Variants in TAFA1 observed in about 807,000 individuals in gnomAD.
TAFA1 encodes the protein TAFA chemokine like family member 1, also known as chemokine-like protein TAFA-1.
TAFA1 carries 4 observed loss-of-function variants against 18.5 expected under a neutral mutation model. The observed-to-expected ratio is 0.22, with a 90% CI of 0.11 to 0.49. The LOEUF is 0.49. Ranked by LOEUF, TAFA1 falls within the 20% of genes least tolerant of loss-of-function variation. TAFA1 has a pLI of 0.98. For synonymous variants in TAFA1, 56 were observed against 55.2 expected (o/e 1.01, Z -0.06); for missense variants, 147 against 169.0 (o/e 0.87, Z 0.72).
chr3:68,473,947 T>TTC (rs1188279284), intron 3 of TAFA1, among the ~76,000 whole-genome samples: 9 of 152,046 alleles, frequency 5.9e-5, no homozygotes, highest in Admixed American at 3.3e-4. Context: ...TAGATAAACA[T>TTC]TTGTTGAATG....
chr3:68,437,258 A>G (rs201991984), intron 3 of TAFA1, among the ~76,000 whole-genome samples: 2 of 134,136 alleles, frequency 1.5e-5, no homozygotes, highest in Admixed American at 6.9e-5. Flanking sequence ...GTTGCTTAAT[A>G]GCACAATAAC....
At chr3:68,417,638 T>C (rs1575848959) in intron 3 of TAFA1, 4 of 541,592 alleles carry the variant, frequency 7.4e-6, no homozygotes, top group Non-Finnish European at 1.3e-5. Context: ...TGAAATTTGC[T>C]TGCCATTGCA....
intron 2 of TAFA1, among the ~76,000 whole-genome samples, chr3:68,373,572 T>C (rs2069753838): frequency 6.6e-6 from 1 of 152,224 alleles, no homozygotes; most frequent in Non-Finnish European, 1.5e-5. Context: ...CCATGCCCTC[T>C]TTCTGCTTTG....
chr3:68,168,100 A>G (rs2066006929), intron 2 of TAFA1, among the ~76,000 whole-genome samples: 1 of 135,744 alleles, frequency 7.4e-6, no homozygotes, highest in Non-Finnish European at 1.5e-5. Flanking sequence ...GAGTTTTGAA[A>G]CTTTTGGTCT....
chr3:67,993,954 T>G, the TAFA1 span, among the ~76,000 whole-genome samples: 1 of 152,186 alleles, frequency 6.6e-6, no homozygotes, highest in Non-Finnish European at 1.5e-5. Flanking sequence ...TTTTATATAT[T>G]CAGCAACATC....
chr3:68,002,404 T>C (rs1704293218), upstream of TAFA1, among the ~76,000 whole-genome samples: 1 of 152,218 alleles, frequency 6.6e-6, no homozygotes. Flanking sequence ...AGTAACTATC[T>C]TGACCCTTAT....
At chr3:68,387,933 T>C (rs920567091) in intron 2 of TAFA1, among the ~76,000 whole-genome samples, 2 of 152,208 alleles carry the variant, frequency 1.3e-5, no homozygotes, top group East Asian at 3.8e-4. Context: ...CATTTCTGAC[T>C]ATATCATTAA....
chr3:68,064,623 A>G (rs1429927613), intron 2 of TAFA1, among the ~76,000 whole-genome samples: 5 of 152,172 alleles, frequency 3.3e-5, no homozygotes, highest in African/African-American at 4.8e-5. Context: ...TCTGCTAATT[A>G]ACACATGACA....
chr3:68,323,399 G>A (rs1388506), intron 2 of TAFA1, among the ~76,000 whole-genome samples: 84,182 of 152,026 alleles, frequency 0.55, 23,826 homozygotes, highest in Non-Finnish European at 0.61. Flanking sequence ...AAATGTAAAG[G>A]AAAGCTGAAG....
chr3:68,328,721 TA>T (rs2068814038), intron 2 of TAFA1, among the ~76,000 whole-genome samples: 1 of 152,206 alleles, frequency 6.6e-6, no homozygotes, highest in African/African-American at 2.4e-5. Context: ...GTATACTCTT[TA>T]TTTTTTTATT....
intron 2 of TAFA1, among the ~76,000 whole-genome samples, chr3:68,391,382 G>C (rs2070242360): frequency 1.3e-5 from 2 of 152,158 alleles, no homozygotes; most frequent in South Asian, 4.1e-4. Context: ...CCAGACCTAT[G>C]TTTGGTGTAC....
At chr3:68,302,198 T>G (rs1023393744) in intron 2 of TAFA1, among the ~76,000 whole-genome samples, 2 of 152,238 alleles carry the variant, frequency 1.3e-5, no homozygotes, top group Non-Finnish European at 2.9e-5. Context: ...CTTAATTCAT[T>G]AAATAAAACT....
chr3:68,383,811 G>A (rs1018080571), intron 2 of TAFA1, among the ~76,000 whole-genome samples: 1 of 151,772 alleles, frequency 6.6e-6, no homozygotes, highest in Non-Finnish European at 1.5e-5. Flanking sequence ...CTGGTCCTGG[G>A]CTGTTTTTGG....
intron 3 of TAFA1, among the ~76,000 whole-genome samples, chr3:68,444,349 C>A (rs2071437156): frequency 6.6e-6 from 1 of 152,136 alleles, no homozygotes. Flanking sequence ...CAATGTAATT[C>A]CCTAGAGTCC....
chr3:68,270,714 G>T (rs868364361), intron 2 of TAFA1, among the ~76,000 whole-genome samples: 2 of 152,272 alleles, frequency 1.3e-5, no homozygotes, highest in Middle Eastern at 3.4e-3. Context: ...AGGAACAAGA[G>T]GGAAGGTCAA....
At chr3:68,472,598 A>G (rs532167920) in intron 3 of TAFA1, among the ~76,000 whole-genome samples, 1 of 152,272 alleles carries the variant, frequency 6.6e-6, no homozygotes, top group African/African-American at 2.4e-5. Context: ...CTATATATCT[A>G]TAGATATATA....
At chr3:68,283,552 G>T (rs1010351588) in intron 2 of TAFA1, among the ~76,000 whole-genome samples, 1 of 152,130 alleles carries the variant, frequency 6.6e-6, no homozygotes, top group East Asian at 1.9e-4. Context: ...TGCAGTGAGC[G>T]CTTCTAAATG....
intron 2 of TAFA1, among the ~76,000 whole-genome samples, chr3:68,213,302 C>T (rs1457282205): frequency 6.6e-6 from 1 of 152,074 alleles, no homozygotes; most frequent in Non-Finnish European, 1.5e-5. Context: ...TAAGACATAG[C>T]ACCCAGATCT....
At chr3:68,024,383 C>T (rs992686133) in intron 2 of TAFA1, among the ~76,000 whole-genome samples, 5 of 152,230 alleles carry the variant, frequency 3.3e-5, no homozygotes, top group East Asian at 1.9e-4. Flanking sequence ...TCAAACCCTA[C>T]GAGTATGGCA....
Sources: gnomAD v4.1 joint callset for allele counts (sites outside exome capture counted in the v4.1 genomes callset) on GRCh38, gnomAD v4.1.1 for gene constraint, MANE v1.5 for transcripts, NCBI Gene and HGNC (gene_info 2026-07-23, HGNC 2026-07-21) for gene names.